Variants in LPCAT3 observed in about 807,000 individuals in gnomAD.
The protein encoded by LPCAT3 is lysophospholipid acyltransferase 5.
In LPCAT3, 21 loss-of-function variants were observed where a neutral mutation model predicts 63.4. That is an observed-to-expected ratio of 0.33 (90% CI 0.23 to 0.48). LPCAT3 has a LOEUF of 0.48. Among genes scored for constraint, LPCAT3 ranks in the 20% least tolerant of loss-of-function variants. LPCAT3 has a pLI of 0.99. For missense variants in LPCAT3, 451 were observed against 590.6 expected (o/e 0.76, Z 2.45); for synonymous variants, 242 against 227.5 (o/e 1.06, Z -0.58).
intron 2 of LPCAT3, 28 bp downstream of exon 2, chr12:6,983,404 G>A (rs1555154394): frequency 3.5e-6 from 5 of 1,434,914 alleles, no homozygotes; most frequent in South Asian, 1.2e-5. Context: ...CACTAATTGC[G>A]GTGTCACTGC....
chr12:6,985,059 T>C (rs952536513), intron 1 of LPCAT3, among the ~76,000 whole-genome samples: 25 of 149,460 alleles, frequency 1.7e-4, no homozygotes, highest in African/African-American at 5.4e-4. Flanking sequence ...TGTTGGTTTC[T>C]GTCCTTCTAG....
chr12:6,995,106 T>C (rs1196456874), intron 1 of LPCAT3, among the ~76,000 whole-genome samples: 1 of 143,210 alleles, frequency 7.0e-6, no homozygotes, highest in Non-Finnish European at 1.5e-5. Flanking sequence ...TCTCCCTAAA[T>C]CAGCCTTCTC....
intron 1 of LPCAT3, among the ~76,000 whole-genome samples, chr12:7,006,160 C>T (rs782433237): frequency 1.3e-4 from 20 of 152,292 alleles, no homozygotes; most frequent in Admixed American, 2.0e-4. Flanking sequence ...GGTTGAGAGG[C>T]GCTGGCCTAC....
intron 1 of LPCAT3, among the ~76,000 whole-genome samples, chr12:7,009,171 C>G (rs2138359573): frequency 6.6e-6 from 1 of 152,278 alleles, no homozygotes; most frequent in South Asian, 2.1e-4. Context: ...CAGCGATTAT[C>G]CTGTCTCAGC....
intron 1 of LPCAT3, among the ~76,000 whole-genome samples, chr12:6,999,928 T>C (rs1555156371): frequency 6.7e-6 from 1 of 149,108 alleles, no homozygotes; most frequent in Admixed American, 6.7e-5. Context: ...TTTTTTTTTT[T>C]TTTTTTTTTG....
chr12:6,995,092 A>C (rs1399149249), intron 1 of LPCAT3, among the ~76,000 whole-genome samples: 2 of 150,506 alleles, frequency 1.3e-5, no homozygotes, highest in East Asian at 2.0e-4. Flanking sequence ...CTAAGGCATA[A>C]ATTTCTCCCT....
At chr12:6,993,765 A>G (rs1946609821) in intron 1 of LPCAT3, among the ~76,000 whole-genome samples, 1 of 152,084 alleles carries the variant, frequency 6.6e-6, no homozygotes, top group Admixed American at 6.5e-5. Context: ...GATACTCTGC[A>G]TTCTTTTTTT....
chr12:7,000,742 T>C (rs1946678885), intron 1 of LPCAT3, among the ~76,000 whole-genome samples: 1 of 151,882 alleles, frequency 6.6e-6, no homozygotes, highest in Non-Finnish European at 1.5e-5. Context: ...TTGAGACGGC[T>C]GTCGCCCAGG....
chr12:7,000,839 T>C (rs781940760), intron 1 of LPCAT3, among the ~76,000 whole-genome samples: 4 of 151,842 alleles, frequency 2.6e-5, no homozygotes, highest in East Asian at 2.0e-4. Context: ...CCTGGGTAGC[T>C]GGGACTACAG....
chr12:6,983,039 T>C (rs1555154347), intron 2 of LPCAT3: 1 of 577,032 alleles, frequency 1.7e-6, no homozygotes, highest in South Asian at 1.6e-5. Flanking sequence ...TTGAGTGCAG[T>C]AGCTCAATCA....
At chr12:6,983,666 T>G in intron 1 of LPCAT3, 127 bp from the exon 2 acceptor site, 1 of 645,980 alleles carries the variant, frequency 1.5e-6, no homozygotes, top group South Asian at 1.8e-5. Flanking sequence ...ATACATTATA[T>G]GGATGGCAAC....
chr12:7,004,764 C>G (rs1269482264), intron 1 of LPCAT3, among the ~76,000 whole-genome samples: 1 of 152,164 alleles, frequency 6.6e-6, no homozygotes, highest in Non-Finnish European at 1.5e-5. Context: ...CTTCCTATAA[C>G]ACTACCTTAA....
At chr12:6,990,525 TAAAA>T (rs1202835340) in intron 1 of LPCAT3, among the ~76,000 whole-genome samples, 5 of 118,940 alleles carry the variant, frequency 4.2e-5, no homozygotes, top group Non-Finnish European at 6.9e-5. Context: ...AAAATTAAAA[TAAAA>T]TAAATAAATA....
intron 1 of LPCAT3, among the ~76,000 whole-genome samples, chr12:7,012,962 G>A (rs1418383753): frequency 1.3e-5 from 2 of 152,222 alleles, no homozygotes; most frequent in East Asian, 1.9e-4. Flanking sequence ...AGTATTTATC[G>A]AGCCTTTTCT....
chr12:6,979,908 G>T, intron 6 of LPCAT3: 1 of 256,774 alleles, frequency 3.9e-6, no homozygotes, highest in South Asian at 1.4e-4. Flanking sequence ...ACCCAGTGGA[G>T]GTAAGATAAT....
intron 1 of LPCAT3, among the ~76,000 whole-genome samples, chr12:6,991,127 G>A (rs1346906780): frequency 6.6e-6 from 1 of 152,022 alleles, no homozygotes; most frequent in Non-Finnish European, 1.5e-5. Context: ...ATAAATTTAT[G>A]GCCTCTGTCT....
intron 6 of LPCAT3, chr12:6,979,795 A>G (rs1172132517): frequency 1.0e-5 from 6 of 576,718 alleles, no homozygotes; most frequent in Non-Finnish European, 1.9e-5. Context: ...GAGTTGTAGG[A>G]AAGTCAGGGC....
intron 1 of LPCAT3, among the ~76,000 whole-genome samples, chr12:7,006,367 T>TACA (rs1555156861): frequency 3.9e-5 from 6 of 152,172 alleles, no homozygotes; most frequent in African/African-American, 1.2e-4. Flanking sequence ...TACAGGTGTG[T>TACA]GCTACCACAC....
At position 7,017,828 on chromosome 12, in the gene LPCAT3, A is replaced by C. The variant is rs1216142219; in HGVS notation, c.151+446T>G. On this transcript the variant is annotated intron_variant, in intron 1 of 12. Transcript: ENST00000261407. The surrounding 1 kb of genome is among the most constrained non-coding windows in gnomAD (Gnocchi z 4.1). ...AGCAAAACAGGCGCTCAGAATATGAAATATGGAATATGGGGCTGAAAAGGC... is the reference window on the plus strand; with the variant it reads ...AGCAAAACAGGCGCTCAGAATATGACATATGGAATATGGGGCTGAAAAGGC... Among the ~76,000 whole-genome samples, 2 of 152,266 alleles carry C rather than the reference A, an allele frequency of 1.3e-5. No homozygotes were observed. Among genetic ancestry groups the C allele is most frequent in the African/African-American group, 2.4e-5 (1 of 41,472 alleles).
Sources: allele counts gnomAD v4.1 joint callset (sites outside exome capture counted in the v4.1 genomes callset), GRCh38; gene constraint gnomAD v4.1.1; non-coding constraint Gnocchi (gnomAD v3.1); transcripts MANE v1.5; gene names NCBI Gene and HGNC (gene_info 2026-07-23, HGNC 2026-07-21).